Variants in RPN2 observed in about 807,000 individuals in gnomAD.
The protein encoded by RPN2 is ribophorin II.
A neutral mutation model predicts 71.4 loss-of-function variants in RPN2; 29 were observed. The observed-to-expected ratio is 0.41, with a 90% confidence interval of 0.30 to 0.55. RPN2 has a LOEUF of 0.55. Ranked by LOEUF, RPN2 falls within the 20% of genes least tolerant of loss-of-function variation. RPN2 has a pLI of 0.35. For missense variants in RPN2, 726 were observed against 774.1 expected (o/e 0.94, Z 0.74); for synonymous variants, 308 against 305.0 (o/e 1.01, Z -0.10).
At chr20:37,190,545 G>A (rs2067117482) in intron 2 of RPN2, among the ~76,000 whole-genome samples, 1 of 152,172 alleles carries the variant, frequency 6.6e-6, no homozygotes, top group African/African-American at 2.4e-5. Context: ...TTAGCACGTT[G>A]ATGGCATGTG....
At chr20:37,199,007 C>G in intron 3 of RPN2, 43 bp from the exon 4 acceptor site, 1 of 1,549,278 alleles carries the variant, frequency 6.5e-7, no homozygotes, top group Non-Finnish European at 8.9e-7. Flanking sequence ...CACAAATTGC[C>G]AAGACCTGTT....
At chr20:37,239,907 G>A (rs77102215) in intron 16 of RPN2, among the ~76,000 whole-genome samples, 6,340 of 152,132 alleles carry the variant, frequency 0.042, 193 homozygotes, top group South Asian at 0.084. Context: ...TAAATAAGTC[G>A]ATTTCTTTTC....
At chr20:37,222,223 A>T (rs2067975881) in intron 9 of RPN2, among the ~76,000 whole-genome samples, 1 of 152,174 alleles carries the variant, frequency 6.6e-6, no homozygotes, top group Non-Finnish European at 1.5e-5. Flanking sequence ...GGGGGTGTCT[A>T]TTCAACCTGA....
In RPN2 at chr20:37,213,843, G is replaced by A. The variant is rs778089759; in HGVS notation, c.1070G>A (p.Arg357Gln). The change falls in exon 9 of 17, where the codon CGG (arginine) becomes CAG (glutamine). Residue 357 changes from arginine to glutamine, a missense_variant. Arg to Gln is a conservative substitution (Grantham distance 43). Transcript: ENST00000237530. Reference sequence around the variant, plus strand: ...CTTGTCGAAGTTGAAGGTGACAACCGGTATATTGCAAATACCGTAGAGGTA... The same window carrying A: ...CTTGTCGAAGTTGAAGGTGACAACCAGTATATTGCAAATACCGTAGAGGTA... ...DFLVEVEGDN[R>Q]YIANTVELRV... The A allele has an allele frequency of 3.7e-6, 6 of 1,613,396 alleles. No homozygotes were observed. Among genetic ancestry groups the A allele is most frequent in the South Asian group, 1.1e-5 (1 of 91,080 alleles).
intron 15 of RPN2, 57 bp from the exon 16 acceptor site, chr20:37,236,523 A>G: frequency 1.2e-6 from 2 of 1,601,410 alleles, no homozygotes; most frequent in Non-Finnish European, 8.5e-7. Flanking sequence ...ACTTTCCTCA[A>G]CCGCAGGGCA....
chr20:37,192,339 A>C (rs146722201), intron 2 of RPN2, among the ~76,000 whole-genome samples: 24 of 152,376 alleles, frequency 1.6e-4, no homozygotes, highest in African/African-American at 5.0e-4. Context: ...CATTGTGCTA[A>C]GTGCAGAGAA....
At chr20:37,189,784 A>G (rs1685722075) in intron 2 of RPN2, among the ~76,000 whole-genome samples, 1 of 152,250 alleles carries the variant, frequency 6.6e-6, no homozygotes, top group African/African-American at 2.4e-5. Flanking sequence ...AAGTGAAATT[A>G]CAGTATGCCC....
intron 4 of RPN2, among the ~76,000 whole-genome samples, chr20:37,202,962 G>A (rs1271317412): frequency 1.3e-5 from 2 of 152,016 alleles, no homozygotes; most frequent in Admixed American, 1.3e-4. Context: ...GTCTCACTCT[G>A]TCACTTAGGC....
chr20:37,189,615 T>C (rs934670179), intron 2 of RPN2, among the ~76,000 whole-genome samples: 3 of 152,230 alleles, frequency 2.0e-5, no homozygotes, highest in Non-Finnish European at 4.4e-5. Context: ...GATTACACTC[T>C]TATAAACCCT....
At chr20:37,229,674 T>G (rs1347154927) in intron 12 of RPN2, among the ~76,000 whole-genome samples, 1 of 152,208 alleles carries the variant, frequency 6.6e-6, no homozygotes, top group African/African-American at 2.4e-5. Flanking sequence ...CCAAGCTGTT[T>G]CTGATTGCAA....
intron 6 of RPN2, 45 bp downstream of exon 6, chr20:37,204,946 C>G: frequency 1.2e-6 from 2 of 1,613,692 alleles, no homozygotes; most frequent in Non-Finnish European, 1.7e-6. Flanking sequence ...AAGGGGTCAT[C>G]AGCTGTATCT....
chr20:37,229,842 A>G, intron 12 of RPN2, 131 bp from the exon 13 acceptor site: 1 of 754,160 alleles, frequency 1.3e-6, no homozygotes. Context: ...CAGCTAATGG[A>G]TCAGAAGTGA....
In RPN2 at chr20:37,228,704, T is replaced by C; in HGVS notation, c.1454T>C (p.Ile485Thr). ...ASGTYTLYLI[I>T]GDATLKNPIL... ...GGCACCTACACTCTCTACTTAATCA[T>C]TGGAGATGCCACTTTGAAGAACCCA... The change falls in exon 12 of 17, where the codon ATT becomes ACT. Residue 485 changes from isoleucine to threonine, a missense_variant. Transcript: ENST00000237530. 4 of 1,614,230 alleles carry C rather than the reference T, an allele frequency of 2.5e-6. No individual in the cohort carries two copies. Among genetic ancestry groups the C allele is most frequent in the Non-Finnish European group, 3.4e-6 (4 of 1,180,034 alleles).
At chr20:37,232,048 G>A (rs556264636) in intron 13 of RPN2, among the ~76,000 whole-genome samples, 49 of 152,252 alleles carry the variant, frequency 3.2e-4, no homozygotes, top group Admixed American at 2.5e-3. Context: ...AGTCTTTGAA[G>A]GGAATAAAGG....
chr20:37,189,323 A>C (rs6094080), intron 2 of RPN2, among the ~76,000 whole-genome samples: 2 of 64,508 alleles, frequency 3.1e-5, no homozygotes, highest in African/African-American at 8.0e-5. Flanking sequence ...GTGTGTGTGT[A>C]TGTGTGTGTG....
chr20:37,228,432 C>G, intron 11 of RPN2, 118 bp from the exon 12 acceptor site: 1 of 977,822 alleles, frequency 1.0e-6, no homozygotes, highest in Non-Finnish European at 1.6e-6. Context: ...CTGGCAGATC[C>G]CAGAGCTCTC....
At chr20:37,225,507 C>G (rs1051246238) in intron 10 of RPN2, among the ~76,000 whole-genome samples, 181 bp from the exon 11 acceptor site, 1 of 152,186 alleles carries the variant, frequency 6.6e-6, no homozygotes, top group Non-Finnish European at 1.5e-5. Context: ...TTTCTCAGTC[C>G]AGGCTTTATC....
chr20:37,241,313 T>C lies in RPN2; in HGVS notation c.1894T>C (p.Ter632GlnextTer11), dbSNP rs2068543582. The change falls in exon 17 of 17, where the codon TAG becomes CAG. Residue 632 changes from the stop codon to glutamine, a stop_lost. Coordinates refer to ENST00000237530, the MANE Select transcript of RPN2 (RefSeq NM_002951.5). ...TCCATTTTCTTTCAGAACAGCACAT[T>C]AGTTCCAGAAGAAAGATGGAAATTC... Reference protein sequence around the residue: ...AQQAVKRTAH* With the variant: ...AQQAVKRTAHQ The C allele has an allele frequency of 6.2e-7, 1 of 1,612,696 alleles. No individual in the cohort carries two copies. The highest frequency in any genetic ancestry group is 1.1e-5 in the South Asian group (1 of 90,828).
intron 16 of RPN2, among the ~76,000 whole-genome samples, chr20:37,240,039 G>A (rs754147954): frequency 2.0e-5 from 3 of 152,154 alleles, no homozygotes; most frequent in Admixed American, 1.3e-4. Context: ...GATTATAGAC[G>A]TGAGCCACCT....
Sources: allele counts gnomAD v4.1 joint callset (sites outside exome capture counted in the v4.1 genomes callset), GRCh38; gene constraint gnomAD v4.1.1; transcripts MANE v1.5; gene names NCBI Gene and HGNC (gene_info 2026-07-23, HGNC 2026-07-21).